The following ABCC1 variants were observed in gnomAD, a reference collection of about 807,000 sequenced individuals.
ABCC1 encodes the protein ATP binding cassette subfamily C member 1 (ABCC1 blood group), also known as multidrug resistance-associated protein 1.
A neutral mutation model predicts 172.9 loss-of-function variants in ABCC1; 83 were observed. The observed-to-expected ratio is 0.48, with a 90% CI of 0.40 to 0.58. The LOEUF (loss-of-function observed/expected upper bound fraction) is 0.58, where lower values mean the gene tolerates loss of function less well. Among genes scored for constraint, ABCC1 ranks in the 20% least tolerant of loss-of-function variants. The pLI is 0.00. For synonymous variants in ABCC1, 937 were observed against 825.2 expected (o/e 1.14, Z -2.32); for missense variants, 1,817 against 2,002.7 (o/e 0.91, Z 1.77).
intron 5 of ABCC1, among the ~76,000 whole-genome samples, chr16:16,029,426 T>C (rs527687192): frequency 6.6e-6 from 1 of 152,222 alleles, no homozygotes; most frequent in Non-Finnish European, 1.5e-5. Context: ...TCTTGCCATG[T>C]TGCCCAGACT....
intron 19 of ABCC1, among the ~76,000 whole-genome samples, chr16:16,091,544 G>A (rs1465723190): frequency 6.6e-6 from 1 of 152,194 alleles, no homozygotes; most frequent in African/African-American, 2.4e-5. Context: ...TGGGGAGGTT[G>A]CATTGGCATG....
At chr16:16,123,637 TAGAA>T (rs1209627402) in intron 24 of ABCC1, among the ~76,000 whole-genome samples, 3 of 150,968 alleles carry the variant, frequency 2.0e-5, no homozygotes, top group African/African-American at 4.9e-5. Context: ...GAAGAAATAA[TAGAA>T]GAGAAGAGAA....
At chr16:16,085,318 C>T (rs539210323) in intron 17 of ABCC1, among the ~76,000 whole-genome samples, 1 of 152,330 alleles carries the variant, frequency 6.6e-6, no homozygotes, top group South Asian at 2.1e-4. Flanking sequence ...GGCCACTTTG[C>T]TCTGGCACCC....
intron 23 of ABCC1, among the ~76,000 whole-genome samples, chr16:16,121,308 C>T (rs993432312): frequency 6.6e-6 from 1 of 152,174 alleles, no homozygotes; most frequent in Non-Finnish European, 1.5e-5. Flanking sequence ...TCCTGAAGTG[C>T]GGGTATTACA....
intron 1 of ABCC1, among the ~76,000 whole-genome samples, chr16:15,983,853 G>A (rs976084974): frequency 2.0e-5 from 3 of 152,048 alleles, no homozygotes; most frequent in African/African-American, 7.2e-5. Flanking sequence ...ACCGCGCCTG[G>A]CCTTTAGTGA....
At chr16:16,067,115 T>C (rs1242838280) in intron 12 of ABCC1, among the ~76,000 whole-genome samples, 2 of 151,936 alleles carry the variant, frequency 1.3e-5, no homozygotes, top group Non-Finnish European at 2.9e-5. Context: ...CCGGGCATGG[T>C]GGTATGCGCC....
At chr16:16,124,377 C>CTGTGTGTGTG (rs10673887) in intron 24 of ABCC1, among the ~76,000 whole-genome samples, 5 of 44,902 alleles carry the variant, frequency 1.1e-4, no homozygotes, top group African/African-American at 3.2e-4. Flanking sequence ...CTACGCCCGG[C>CTGTGTGTGTG]TGTGTGTGTG....
At chr16:16,011,245 GAA>G (rs921034286) in intron 3 of ABCC1, among the ~76,000 whole-genome samples, 1 of 143,992 alleles carries the variant, frequency 6.9e-6, no homozygotes. Context: ...AAAAGAAAAA[GAA>G]AAAAAAAAGG....
chr16:16,023,866 A>G (rs565284401), intron 5 of ABCC1, among the ~76,000 whole-genome samples: 54 of 152,252 alleles, frequency 3.5e-4, no homozygotes, highest in African/African-American at 1.2e-3. Context: ...TGGTAGAGCA[A>G]CTGGCATGTG....
At chr16:16,050,346 C>G (rs1244921928) in intron 10 of ABCC1, among the ~76,000 whole-genome samples, 3 of 152,004 alleles carry the variant, frequency 2.0e-5, no homozygotes, top group African/African-American at 7.2e-5. Context: ...ATAATCTCAA[C>G]TACTTGGGTG....
intron 21 of ABCC1, among the ~76,000 whole-genome samples, chr16:16,109,190 G>C (rs56296012): frequency 0.022 from 3,387 of 150,744 alleles, 62 homozygotes; most frequent in Middle Eastern, 0.041. Context: ...TTTTTTTTCT[G>C]GTGAGGGGCA....
At chr16:15,994,073 G>A (rs1192292968) in intron 1 of ABCC1, among the ~76,000 whole-genome samples, 1 of 152,102 alleles carries the variant, frequency 6.6e-6, no homozygotes, top group Non-Finnish European at 1.5e-5. Context: ...ACAAAAATTA[G>A]CCAGGCATGG....
At chr16:16,013,066 C>T (rs2047852617) in intron 3 of ABCC1, among the ~76,000 whole-genome samples, 1 of 152,118 alleles carries the variant, frequency 6.6e-6, no homozygotes. Flanking sequence ...GGGCTTTTGA[C>T]TCCTCAGGGG....
intron 26 of ABCC1, among the ~76,000 whole-genome samples, chr16:16,127,460 A>G (rs1567435615): frequency 1.3e-5 from 2 of 152,144 alleles, no homozygotes; most frequent in Admixed American, 6.6e-5. Flanking sequence ...TGGCCTCCCA[A>G]AGTGCTGGGA....
chr16:16,109,672 G>A (rs2052301569), intron 21 of ABCC1, among the ~76,000 whole-genome samples: 4 of 152,324 alleles, frequency 2.6e-5, no homozygotes, highest in Middle Eastern at 3.4e-3. Flanking sequence ...GCTCCACAGG[G>A]AATATAGGAG....
rs79873752 is a variant in ABCC1, at chr16:16,124,726, G to A, written c.3591-63G>A. 137 of 1,609,152 alleles carry A rather than the reference G, an allele frequency of 8.5e-5. No individual in the cohort carries two copies. The African/African-American group carries it at 1.4e-3, about 16-fold the overall frequency. On this transcript the variant is annotated intron_variant, in intron 24 of 30. Transcript: ENST00000399410. ...GAATCCCCTTCCTCCCCCAAGAGCT[G>A]TAAGCCAAGTCTCTGTAGAGCTGAC...
intron 18 of ABCC1, 141 bp from the exon 19 acceptor site, chr16:16,090,264 G>A: frequency 2.6e-6 from 2 of 758,482 alleles, no homozygotes; most frequent in South Asian, 4.2e-5. Context: ...TGCTGTTATC[G>A]CGGGTGCATG....
chr16:15,975,987 C>T (rs557173766), intron 1 of ABCC1, among the ~76,000 whole-genome samples: 4 of 152,156 alleles, frequency 2.6e-5, no homozygotes, highest in South Asian at 4.2e-4. Context: ...CAACAGAGGC[C>T]AGACGCGGTG....
chr16:16,014,892 G>A (rs1163794375), intron 4 of ABCC1, among the ~76,000 whole-genome samples: 3 of 152,194 alleles, frequency 2.0e-5, no homozygotes, highest in Non-Finnish European at 2.9e-5. Context: ...CCAAGGGCAG[G>A]AGCTGTGGGC....
Sources: allele counts gnomAD v4.1 joint callset (sites outside exome capture counted in the v4.1 genomes callset), GRCh38; gene constraint gnomAD v4.1.1; transcripts MANE v1.5; gene names NCBI Gene and HGNC (gene_info 2026-07-23, HGNC 2026-07-21).